ARHGEF28: variants seen among roughly 807,000 people sequenced by gnomAD.
ARHGEF28 encodes the protein Rho guanine nucleotide exchange factor 28.
Under a neutral mutation model 206.6 loss-of-function variants are expected in ARHGEF28, and 152 were observed. The observed-to-expected ratio is 0.74, with a 90% CI of 0.64 to 0.84. The LOEUF (loss-of-function observed/expected upper bound fraction) is 0.84, where lower values mean the gene tolerates loss of function less well. ARHGEF28 is among the 40% of genes least tolerant of loss of function. The pLI is 0.00. For synonymous variants in ARHGEF28, 763 were observed against 776.4 expected, an observed-to-expected ratio of 0.98 and a Z score of 0.29; for missense variants, 2,028 against 2,073.2, an observed-to-expected ratio of 0.98 and a Z score of 0.42.
chr5:73,714,000 A>G (rs913281333), intron 2 of ARHGEF28, among the ~76,000 whole-genome samples: 6 of 152,224 alleles, frequency 3.9e-5, no homozygotes, highest in African/African-American at 1.4e-4. Context: ...CTTGGATTTT[A>G]GACCTAAATA....
chr5:73,941,473 T>C lies in ARHGEF28; in HGVS notation c.*460T>C, dbSNP rs1742615929. 6.5e-6 allele frequency: 1 copy of C among 153,482 alleles called. No individual in the cohort carries two copies. The highest frequency in any genetic ancestry group is 1.4e-5 in the Non-Finnish European group (1 of 69,000). The allele number at this position is 153,482 out of a possible 1,614,324, so 9.5% of individuals were successfully genotyped here. A position where few individuals can be genotyped will look rare whatever the true frequency, so the allele number is the denominator to read the frequency against. On this transcript the variant is annotated 3_prime_UTR_variant, in exon 36 of 36. Coordinates refer to ENST00000513042, the MANE Select transcript of ARHGEF28 (RefSeq NM_001177693.2). ...GATGTGGGAAAGGGTTTTTCTCAGC[T>C]AGTTTTTGTGTGCTCATTTCTTCTG...
rs1762745895 is a variant in ARHGEF28 at position 73,909,482 on chromosome 5, C to G, written c.4232C>G (p.Ser1411Cys). The G allele has an allele frequency of 6.2e-7, 1 of 1,612,374 alleles. No individual in the cohort carries two copies. Among genetic ancestry groups the G allele is most frequent in the African/African-American group, 1.3e-5 (1 of 74,930 alleles). The stretch of plus-strand genomic sequence containing the variant: ...GTTCTCCAGCAGCAGGAGGGCCTGT[C>G]TCTCGGCCACTCTATCCTCCGAGGC... ...RLVLQQQEGL[S>C]LGHSILRGGP... The change falls in exon 34 of 36, where the codon TCT (serine) becomes TGT (cysteine). Residue 1411 changes from serine (S) to cysteine (C), a missense_variant. Ser to Cys is a moderately radical substitution (Grantham distance 112). Around this residue, in one of 3 missense-constraint regions of ARHGEF28, gnomAD observed 803 missense variants for 768.0 expected, o/e 1.05. Coordinates refer to ENST00000513042, the MANE Select transcript of ARHGEF28 (RefSeq NM_001177693.2).
chr5:73,757,156 T>A (rs1254249149), intron 4 of ARHGEF28, among the ~76,000 whole-genome samples: 1 of 152,170 alleles, frequency 6.6e-6, no homozygotes. Flanking sequence ...AGTATACATA[T>A]TTTATTTGTG....
chr5:73,933,746 G>A (rs923533669), intron 35 of ARHGEF28, among the ~76,000 whole-genome samples: 13 of 151,896 alleles, frequency 8.6e-5, no homozygotes, highest in African/African-American at 2.9e-4. Context: ...AAGCAAATCC[G>A]GGACATCCTA....
intron 13 of ARHGEF28, among the ~76,000 whole-genome samples, chr5:73,851,098 T>G (rs1168454224): frequency 6.6e-6 from 1 of 152,210 alleles, no homozygotes; most frequent in Non-Finnish European, 1.5e-5. Flanking sequence ...AGCACAAATG[T>G]GAAAGCTTGC....
chr5:73,700,432 A>T (rs898538903), intron 2 of ARHGEF28, among the ~76,000 whole-genome samples: 2 of 152,216 alleles, frequency 1.3e-5, no homozygotes, highest in Non-Finnish European at 2.9e-5. Flanking sequence ...GTTAAAAAGA[A>T]TTTGTGAGTC....
At chr5:73,912,727 G>C (rs577085627) in intron 35 of ARHGEF28, among the ~76,000 whole-genome samples, 8 of 152,168 alleles carry the variant, frequency 5.3e-5, no homozygotes, top group Non-Finnish European at 1.0e-4. Flanking sequence ...TTAAATAAAA[G>C]GTCAAGCCAA....
chr5:73,814,492 T>C (rs1404898184), intron 9 of ARHGEF28, among the ~76,000 whole-genome samples: 6 of 152,106 alleles, frequency 3.9e-5, no homozygotes, highest in Non-Finnish European at 5.9e-5. Flanking sequence ...TAGCTGGCAG[T>C]GATTGTTGCC....
rs1035622026 is a variant in ARHGEF28 at position 73,834,041 on chromosome 5, AT to A, written c.1146+1589del. 5.3e-5 allele frequency among the ~76,000 whole-genome samples: 8 copies of A among 152,148 alleles called. No homozygotes were observed. The South Asian group carries it at 1.0e-3, about 20-fold the overall frequency. On this transcript the variant is annotated intron_variant, in intron 10 of 35. Coordinates refer to ENST00000513042, the MANE Select transcript of ARHGEF28 (RefSeq NM_001177693.2). ...TCTAGCCATGTTCTAGTATTTATTTATTTTTTTCCAGCTTTATTAAGGTATA... is the reference window on the plus strand; with the variant it reads ...TCTAGCCATGTTCTAGTATTTATTTATTTTTTCCAGCTTTATTAAGGTATA...
intron 16 of ARHGEF28, 132 bp downstream of exon 16, chr5:73,858,351 C>A (rs1759184417): frequency 8.4e-6 from 10 of 1,195,350 alleles, no homozygotes; most frequent in Non-Finnish European, 1.1e-5. Context: ...GTTTACCAAG[C>A]AAGGACTGAT....
chr5:73,733,957 G>A (rs1359182668), intron 2 of ARHGEF28, among the ~76,000 whole-genome samples: 1 of 152,030 alleles, frequency 6.6e-6, no homozygotes, highest in African/African-American at 2.4e-5. Flanking sequence ...GAACAAGAGA[G>A]CAAAGGGGGA....
At chr5:73,877,387 A>G (rs1341304107) in intron 22 of ARHGEF28, among the ~76,000 whole-genome samples, 1 of 149,122 alleles carries the variant, frequency 6.7e-6, no homozygotes, top group African/African-American at 2.5e-5. Context: ...TGGATTCATT[A>G]ATTTTTTGAA....
intron 2 of ARHGEF28, among the ~76,000 whole-genome samples, chr5:73,706,417 GT>G: frequency 6.6e-6 from 1 of 151,892 alleles, no homozygotes; most frequent in East Asian, 1.9e-4. Flanking sequence ...ATTTCTCTGT[GT>G]TAAATATCCC....
chr5:73,717,007 T>G (rs1013951973), intron 2 of ARHGEF28, among the ~76,000 whole-genome samples: 1 of 152,118 alleles, frequency 6.6e-6, no homozygotes, highest in Non-Finnish European at 1.5e-5. Flanking sequence ...ATCCTTGAAA[T>G]GTATTCTTTA....
At chr5:73,863,323 T>G (rs1429732605) in intron 16 of ARHGEF28, 1 of 152,224 alleles carries the variant, frequency 6.6e-6, no homozygotes, top group African/African-American at 2.4e-5. Flanking sequence ...TGACTGTCAC[T>G]GCTTCTGATC....
intron 4 of ARHGEF28, among the ~76,000 whole-genome samples, chr5:73,762,585 A>C (rs955558553): frequency 6.6e-6 from 1 of 152,204 alleles, no homozygotes; most frequent in Non-Finnish European, 1.5e-5. Flanking sequence ...CAGGTATATA[A>C]GTATTACATG....
At chr5:73,634,018 C>G (rs912746400) in intron 1 of ARHGEF28, among the ~76,000 whole-genome samples, 2 of 152,096 alleles carry the variant, frequency 1.3e-5, no homozygotes, top group African/African-American at 4.8e-5. Context: ...TATGAATAAT[C>G]TTAATATTTA....
chr5:73,801,004 G>A (rs1409898488), intron 9 of ARHGEF28, among the ~76,000 whole-genome samples: 1 of 152,080 alleles, frequency 6.6e-6, no homozygotes, highest in Admixed American at 6.5e-5. Flanking sequence ...CAGTCAATAA[G>A]TGCTAGTTTG....
At chr5:73,780,768 T>C in intron 7 of ARHGEF28, 23 bp downstream of exon 7, 1 of 1,551,748 alleles carries the variant, frequency 6.4e-7, no homozygotes, top group Non-Finnish European at 8.7e-7. Flanking sequence ...CTTTCCCACT[T>C]ATGGCAGCCA....
Sources: gnomAD v4.1 joint callset for allele counts (sites outside exome capture counted in the v4.1 genomes callset) on GRCh38, gnomAD v4.1.1 for gene constraint, gnomAD v4.1.1 regional missense constraint, MANE v1.5 for transcripts, NCBI Gene and HGNC (gene_info 2026-07-23, HGNC 2026-07-21) for gene names.